EPSTI1: variants seen among roughly 807,000 people sequenced by gnomAD.
EPSTI1 encodes the protein epithelial-stromal interaction protein 1.
EPSTI1 carries 66 observed loss-of-function variants against 49.9 expected under a neutral mutation model. That is an observed-to-expected ratio of 1.32 (90% CI 1.08 to 1.62). The LOEUF (loss-of-function observed/expected upper bound fraction) is 1.62, where lower values mean the gene tolerates loss of function less well. EPSTI1 is among the 40% of genes most tolerant of loss of function. The pLI, the probability that EPSTI1 is intolerant of heterozygous loss-of-function variation, is 0.00. For missense variants in EPSTI1, 394 were observed against 365.5 expected (o/e 1.08, Z -0.64); for synonymous variants, 137 against 130.7 (o/e 1.05, Z -0.33).
At chr13:42,976,352 C>T (rs2039882039) in intron 1 of EPSTI1, among the ~76,000 whole-genome samples, 1 of 152,174 alleles carries the variant, frequency 6.6e-6, no homozygotes, top group Non-Finnish European at 1.5e-5. Context: ...AACCTTATCT[C>T]TCAAGGTTCC....
chr13:42,924,250 G>A (rs572995066), intron 7 of EPSTI1, among the ~76,000 whole-genome samples: 36 of 152,122 alleles, frequency 2.4e-4, no homozygotes, highest in Admixed American at 4.6e-4. Flanking sequence ...GGTCAAAATC[G>A]GAGCAGCTAT....
At chr13:42,889,474 T>C (rs1477259022) in intron 10 of EPSTI1, among the ~76,000 whole-genome samples, 1 of 152,164 alleles carries the variant, frequency 6.6e-6, no homozygotes, top group Non-Finnish European at 1.5e-5. Context: ...TCTGCCTTCC[T>C]CCTTGTTTAC....
chr13:42,909,234 A>C (rs978802060), intron 8 of EPSTI1, among the ~76,000 whole-genome samples: 1 of 152,222 alleles, frequency 6.6e-6, no homozygotes, highest in Admixed American at 6.5e-5. Flanking sequence ...AACCACGATG[A>C]GCTATTATCT....
intron 6 of EPSTI1, among the ~76,000 whole-genome samples, chr13:42,940,381 C>T (rs558566056): frequency 4.6e-5 from 7 of 152,192 alleles, no homozygotes; most frequent in Admixed American, 1.3e-4. Flanking sequence ...GTTCTCTTAC[C>T]CTACCTCTAA....
intron 7 of EPSTI1, among the ~76,000 whole-genome samples, chr13:42,925,482 G>A (rs759539873): frequency 3.3e-5 from 5 of 152,084 alleles, no homozygotes; most frequent in Non-Finnish European, 5.9e-5. Context: ...TCTGGGTGGC[G>A]CTACTGGCCC....
rs1270535309 is a variant in EPSTI1, at chr13:42,908,966, G to A, written c.741+8575C>T. 1.5e-4 allele frequency among the ~76,000 whole-genome samples: 22 copies of A among 150,724 alleles called. 1 individual carries two copies. Among genetic ancestry groups the A allele is most frequent in the Admixed American group, 5.3e-4 (8 of 15,160 alleles). Reference sequence around the variant, plus strand: ...AAAATAGCTGGGTGTGGTGGTGGGCGCCTGTAATCCCAGCTACTCAGGAGG... The same window carrying A: ...AAAATAGCTGGGTGTGGTGGTGGGCACCTGTAATCCCAGCTACTCAGGAGG... On this transcript the variant is annotated intron_variant, in intron 8 of 10. Coordinates refer to ENST00000313624, the MANE Select transcript of EPSTI1 (RefSeq NM_033255.5).
intron 6 of EPSTI1, among the ~76,000 whole-genome samples, chr13:42,927,348 T>A (rs111831425): frequency 2.2e-4 from 34 of 152,336 alleles, no homozygotes; most frequent in African/African-American, 7.0e-4. Flanking sequence ...ATGTAATTTG[T>A]GTGATTTTTA....
chr13:42,908,030 G>A (rs1243593133), intron 8 of EPSTI1, among the ~76,000 whole-genome samples: 2 of 152,296 alleles, frequency 1.3e-5, no homozygotes, highest in Admixed American at 1.3e-4. Context: ...TGGGAAAACT[G>A]AATATCCACA....
At chr13:42,971,653 C>T (rs915612620) in intron 1 of EPSTI1, among the ~76,000 whole-genome samples, 1 of 152,206 alleles carries the variant, frequency 6.6e-6, no homozygotes, top group African/African-American at 2.4e-5. Flanking sequence ...GGAAGTCTCT[C>T]TCTTCTACCT....
intron 6 of EPSTI1, among the ~76,000 whole-genome samples, chr13:42,941,398 G>A (rs1023549047): frequency 2.0e-5 from 3 of 152,044 alleles, no homozygotes; most frequent in African/African-American, 7.2e-5. Flanking sequence ...TTATCTCAAA[G>A]TAATTTCAGT....
chr13:42,926,329 C>T lies in EPSTI1; in HGVS notation c.657+7G>A, dbSNP rs2038176350. Reference sequence around the variant, plus strand: ...CCAGGCAGCACCCTGCAAAGTAATTCACTTACCCATGTTGAGGATTGTGGG... The same window carrying T: ...CCAGGCAGCACCCTGCAAAGTAATTTACTTACCCATGTTGAGGATTGTGGG... On this transcript the variant is annotated splice_region_variant and intron_variant, in intron 7 of 10. Coordinates refer to ENST00000313624, the MANE Select transcript of EPSTI1 (RefSeq NM_033255.5). 4 of 1,558,852 alleles carry T rather than the reference C, an allele frequency of 2.6e-6. No homozygotes were observed. The highest frequency in any genetic ancestry group is 3.5e-6 in the Non-Finnish European group (4 of 1,129,496).
chr13:42,928,388 A>T (rs1341273921), intron 6 of EPSTI1, among the ~76,000 whole-genome samples: 1 of 152,126 alleles, frequency 6.6e-6, no homozygotes, highest in African/African-American at 2.4e-5. Flanking sequence ...AACGAAGGAA[A>T]ACATCCTCGT....
At chr13:42,907,903 A>G (rs1035155825) in intron 8 of EPSTI1, among the ~76,000 whole-genome samples, 1 of 152,228 alleles carries the variant, frequency 6.6e-6, no homozygotes, top group African/African-American at 2.4e-5. Flanking sequence ...ACTGGCATAC[A>G]AACCAATGGA....
chr13:42,989,567 C>CTTTTTTTCT (rs2040151072), intron 1 of EPSTI1, among the ~76,000 whole-genome samples: 2 of 79,022 alleles, frequency 2.5e-5, no homozygotes, highest in Admixed American at 3.2e-4. Flanking sequence ...CCTCTTTTTT[C>CTTTTTTTCT]TTTTTTTTTT....
intron 2 of EPSTI1, 33 bp downstream of exon 2, chr13:42,970,579 C>T (rs757057439): frequency 9.8e-6 from 15 of 1,534,342 alleles, no homozygotes; most frequent in Non-Finnish European, 1.3e-5. Context: ...AAGAGAGAAG[C>T]ATTCTGAATG....
intron 7 of EPSTI1, 106 bp from the exon 8 acceptor site, chr13:42,917,730 A>C (rs1376772335): frequency 1.0e-5 from 8 of 765,268 alleles, no homozygotes; most frequent in Non-Finnish European, 1.5e-5. Context: ...TAATAACTCA[A>C]CCTCCGTACT....
rs980766097 is a variant in EPSTI1, at chr13:42,887,012, G to A, written c.*1482C>T. The stretch of plus-strand genomic sequence containing the variant: ...ACACAACTGTAAGGTAGCCAGGCTG[G>A]CAGGTGTAGGGCCGAAATGGCTGCA... On this transcript the variant is annotated 3_prime_UTR_variant, in exon 11 of 11. Coordinates refer to ENST00000313624, the MANE Select transcript of EPSTI1 (RefSeq NM_033255.5). 6 of 152,162 alleles carry A rather than the reference G, an allele frequency of 3.9e-5. No individual in the cohort carries two copies. The highest frequency in any genetic ancestry group is 7.3e-5 in the Non-Finnish European group (5 of 68,040). 9.4% of individuals were successfully genotyped at this position (152,162 alleles called of 1,614,324 possible). A position where few individuals can be genotyped will look rare whatever the true frequency, so the allele number is the denominator to read the frequency against.
chr13:42,928,114 G>C (rs1255330574), intron 6 of EPSTI1, among the ~76,000 whole-genome samples: 5 of 152,152 alleles, frequency 3.3e-5, no homozygotes, highest in Non-Finnish European at 7.4e-5. Context: ...CCCCACTCAT[G>C]CCGCAGGATA....
At chr13:42,890,011 C>A (rs1159858858) in intron 10 of EPSTI1, among the ~76,000 whole-genome samples, 2 of 152,154 alleles carry the variant, frequency 1.3e-5, no homozygotes, top group Non-Finnish European at 2.9e-5. Context: ...CTGTTTCCCC[C>A]CAGTGATGTG....
Sources: gnomAD v4.1 joint callset for allele counts (sites outside exome capture counted in the v4.1 genomes callset) on GRCh38, gnomAD v4.1.1 for gene constraint, MANE v1.5 for transcripts, NCBI Gene and HGNC (gene_info 2026-07-23, HGNC 2026-07-21) for gene names.